ESRP1: variants seen among roughly 807,000 people sequenced by gnomAD.
ESRP1 encodes RNA-binding motif protein 35A.
ESRP1 carries 33 observed loss-of-function variants against 81.7 expected under a neutral mutation model. The observed-to-expected ratio is 0.40, with a 90% CI of 0.31 to 0.54. The LOEUF is 0.54. Ranked by LOEUF, ESRP1 falls within the 20% of genes least tolerant of loss-of-function variation. The pLI is 0.41. For synonymous variants in ESRP1, 320 were observed against 303.3 expected (o/e 1.06, Z -0.57); for missense variants, 672 against 833.1 (o/e 0.81, Z 2.38).
At position 94,696,938 on chromosome 8, in the gene ESRP1, G is replaced by T; in HGVS notation, c.*12G>T. 3.2e-6 allele frequency: 5 copies of T among 1,573,166 alleles called. No homozygotes were observed. Among genetic ancestry groups the T allele is most frequent in the Non-Finnish European group, 2.6e-6 (3 of 1,158,132 alleles). ...GGGTTTGTATTTAAGGGCCCCAGCAGTTAGAACATCCTCAGAAAAGAAGGT... is the reference window on the plus strand; with the variant it reads ...GGGTTTGTATTTAAGGGCCCCAGCATTTAGAACATCCTCAGAAAAGAAGGT... On this transcript the variant is annotated 3_prime_UTR_variant, in exon 15 of 16. Coordinates refer to ENST00000433389, the MANE Select transcript of ESRP1 (RefSeq NM_017697.4).
At chr8:94,692,117 C>T (rs1012736698) in intron 13 of ESRP1, among the ~76,000 whole-genome samples, 3 of 152,168 alleles carry the variant, frequency 2.0e-5, no homozygotes, top group East Asian at 3.8e-4. Flanking sequence ...TCTCTTCCAA[C>T]GTCCGCCACC....
intron 14 of ESRP1, among the ~76,000 whole-genome samples, chr8:94,695,371 T>TTTTTTTTTTTTTCC (rs1351009238): frequency 8.9e-6 from 1 of 111,996 alleles, no homozygotes; most frequent in Admixed American, 1.1e-4. Context: ...TTTTTTTTTT[T>TTTTTTTTTTTTTCC]TGAGACGGAG....
At chr8:94,670,914 AT>A (rs1445611374) in intron 10 of ESRP1, among the ~76,000 whole-genome samples, 1 of 152,156 alleles carries the variant, frequency 6.6e-6, no homozygotes, top group Non-Finnish European at 1.5e-5. Context: ...TCAGCATTAT[AT>A]TTTAATATAA....
At chr8:94,702,586 A>G (rs1457132164) in intron 15 of ESRP1, among the ~76,000 whole-genome samples, 6 of 152,222 alleles carry the variant, frequency 3.9e-5, no homozygotes, top group Non-Finnish European at 8.8e-5. Flanking sequence ...GTAAAAACAC[A>G]TAGGAAGTAC....
intron 4 of ESRP1, among the ~76,000 whole-genome samples, chr8:94,650,518 A>G (rs1818070306): frequency 6.6e-6 from 1 of 152,102 alleles, no homozygotes; most frequent in Admixed American, 6.6e-5. Context: ...TTGTGGCTTT[A>G]TAGTTCCTTT....
intron 12 of ESRP1, among the ~76,000 whole-genome samples, chr8:94,676,778 G>A (rs555233074): frequency 1.3e-5 from 2 of 151,878 alleles, no homozygotes; most frequent in South Asian, 4.2e-4. Context: ...GATTACAGGC[G>A]TGAGCCACCA....
At chr8:94,671,714 C>A in intron 11 of ESRP1, 43 bp downstream of exon 11, 1 of 1,396,672 alleles carries the variant, frequency 7.2e-7, no homozygotes, top group Non-Finnish European at 1.0e-6. Flanking sequence ...CTTTTTCTCA[C>A]TACATATGAG....
chr8:94,701,093 C>T (rs992363240), intron 15 of ESRP1, among the ~76,000 whole-genome samples: 5 of 150,074 alleles, frequency 3.3e-5, no homozygotes, highest in Non-Finnish European at 7.4e-5. Context: ...GCCAACGTGG[C>T]GAAACCCTGT....
chr8:94,641,894 G>A, intron 1 of ESRP1, 62 bp from the exon 2 acceptor site: 1 of 1,597,404 alleles, frequency 6.3e-7, no homozygotes, highest in Non-Finnish European at 8.5e-7. Context: ...AGCGAGGGAG[G>A]AGGGTGCAGA....
chr8:94,644,160 T>C (rs1817738527), intron 3 of ESRP1, among the ~76,000 whole-genome samples: 1 of 152,200 alleles, frequency 6.6e-6, no homozygotes, highest in African/African-American at 2.4e-5. Flanking sequence ...GGATAAATAC[T>C]GAGGGGCTGT....
intron 12 of ESRP1, among the ~76,000 whole-genome samples, chr8:94,674,897 A>G (rs1217369453): frequency 6.6e-6 from 1 of 152,200 alleles, no homozygotes; most frequent in East Asian, 1.9e-4. Flanking sequence ...ATTAACCTTT[A>G]AGAAGGGCAG....
At chr8:94,683,110 A>C (rs941685445) in intron 13 of ESRP1, among the ~76,000 whole-genome samples, 1 of 150,694 alleles carries the variant, frequency 6.6e-6, no homozygotes, top group African/African-American at 2.4e-5. Context: ...ATGCCCAGCT[A>C]ATTTTGTATT....
chr8:94,668,076 T>A lies in ESRP1; in HGVS notation c.1059T>A (p.Thr353=), dbSNP rs1388035373. ...VAFFGQHCPI[T]GGKEGILFVT... ...TCTTTGGACAGCATTGCCCTATTACTGGGGGAAAGGAAGGCATCCTCTTTG... is the reference window on the plus strand; with the variant it reads ...TCTTTGGACAGCATTGCCCTATTACAGGGGGAAAGGAAGGCATCCTCTTTG... The change falls in exon 10 of 16, where the codon ACT becomes ACA. Residue 353 remains threonine, a synonymous_variant. Transcript: ENST00000433389. The A allele has an allele frequency of 2.3e-5, 37 of 1,613,864 alleles. No individual in the cohort carries two copies. Among genetic ancestry groups the A allele is most frequent in the Non-Finnish European group, 3.0e-5 (35 of 1,179,898 alleles).
chr8:94,701,001 G>C (rs1253670140), intron 15 of ESRP1, among the ~76,000 whole-genome samples: 1 of 150,560 alleles, frequency 6.6e-6, no homozygotes, highest in East Asian at 2.0e-4. Flanking sequence ...GGCCGGGTGC[G>C]GTTGCTCATG....
At chr8:94,651,020 T>C (rs1308769842) in intron 4 of ESRP1, among the ~76,000 whole-genome samples, 3 of 152,130 alleles carry the variant, frequency 2.0e-5, no homozygotes, top group Admixed American at 6.6e-5. Context: ...TTTTTATTTA[T>C]TTTGGTAAGT....
At chr8:94,674,022 G>A (rs185608415) in intron 11 of ESRP1, among the ~76,000 whole-genome samples, 1 of 152,214 alleles carries the variant, frequency 6.6e-6, no homozygotes, top group Non-Finnish European at 1.5e-5. Flanking sequence ...CAGTCACAAG[G>A]AGACCCTTTC....
Position 94,682,737 on chromosome 8 carries a change from C to T in ESRP1, c.1820+4366C>T, listed in dbSNP as rs1376651949. 2.0e-5 allele frequency among the ~76,000 whole-genome samples: 3 copies of T among 149,226 alleles called. 1 individual carries two copies. Among genetic ancestry groups the T allele is most frequent in the African/African-American group, 2.5e-5 (1 of 40,790 alleles). ...CTTTTTTTAATGAGTGATGTAGTCA[C>T]AAGTAGACTGCGCATGCTTGTATAA... On this transcript the variant is annotated intron_variant, in intron 13 of 15. Transcript: ENST00000433389.
Position 94,646,202 on chromosome 8 carries a change from T to C in ESRP1, c.410T>C (p.Phe137Ser), listed in dbSNP as rs1817842879. The C allele has an allele frequency of 1.2e-6, 2 of 1,612,396 alleles. No homozygotes were observed. The highest frequency in any genetic ancestry group is 1.1e-5 in the South Asian group (1 of 90,908). Residue 137 changes from phenylalanine (F) to serine (S), a missense_variant, in exon 4 of 16, where the codon TTT becomes TCT. Transcript: ENST00000433389. ...TTACCTGAATGCTTCTATTCCTTTT[T>C]TGATCTTCGAAAAGAATTCAAGAAA... Reference protein sequence around the residue: ...VLLPECFYSFFDLRKEFKKCC... With the variant: ...VLLPECFYSFSDLRKEFKKCC...
At chr8:94,687,487 CT>C (rs1010604999) in intron 13 of ESRP1, among the ~76,000 whole-genome samples, 3 of 152,200 alleles carry the variant, frequency 2.0e-5, no homozygotes, top group African/African-American at 7.2e-5. Flanking sequence ...AACTATTTAG[CT>C]TTCAAGAAAC....
Sources: gnomAD v4.1 joint callset for allele counts (sites outside exome capture counted in the v4.1 genomes callset) on GRCh38, gnomAD v4.1.1 for gene constraint, MANE v1.5 for transcripts, NCBI Gene and HGNC (gene_info 2026-07-23, HGNC 2026-07-21) for gene names.